RBFOX1: variants seen among roughly 807,000 people sequenced by gnomAD.
The protein encoded by RBFOX1 is RNA binding fox-1 homolog 1.
A neutral mutation model predicts 57.7 loss-of-function variants in RBFOX1; 8 were observed. The ratio of observed to expected loss-of-function variants is 0.14; its 90% CI spans 0.08 to 0.25. The LOEUF is 0.25. RBFOX1 is among the 10% of genes least tolerant of loss of function. The probability of loss-of-function intolerance (pLI) is 1.00; values close to 1 mark genes in which losing one functional copy is unlikely to be tolerated. For synonymous variants in RBFOX1, 326 were observed against 222.4 expected, an observed-to-expected ratio of 1.47 and a Z score of -4.15; for missense variants, 611 against 548.5, an observed-to-expected ratio of 1.11 and a Z score of -1.14.
chr16:6,450,811 A>ATATACATATATATATATG (rs1344004753), intron 2 of RBFOX1, among the ~76,000 whole-genome samples: 1 of 24,104 alleles, frequency 4.1e-5, no homozygotes, highest in Non-Finnish European at 6.4e-5. Flanking sequence ...GTATATATAT[A>ATATACATATATATATATG]TATATACATA....
rs192561018 is a variant in RBFOX1, at chr16:6,870,895, C to G, written c.-15-181162C>G. ...ACTTTGAGAGACTTGAATTAAAACT[C>G]ATTTATAAAGAGAATAAAAAATCAG... On this transcript the variant is annotated intron_variant, in intron 3 of 15. Coordinates refer to ENST00000550418, the MANE Select transcript of RBFOX1 (RefSeq NM_018723.4). 3.3e-5 allele frequency among the ~76,000 whole-genome samples: 5 copies of G among 152,248 alleles called. No homozygotes were observed. In the East Asian group the frequency reaches 9.7e-4, roughly 29 times the overall value.
chr16:5,821,826 C>A lies in RBFOX1; in HGVS notation c.319-45477C>A, dbSNP rs563583504. On this transcript the variant is annotated intron_variant, in intron 3 of 19. Transcript: ENST00000641259. ...GGATGGTCTCTTGCTGCTGCATCCTCACATGGTGAAAGGAGAAGGGCAAAA... is the reference window on the plus strand; with the variant it reads ...GGATGGTCTCTTGCTGCTGCATCCTAACATGGTGAAAGGAGAAGGGCAAAA... 1.8e-3 allele frequency among the ~76,000 whole-genome samples: 272 copies of A among 152,308 alleles called. 1 individual carries two copies. Among genetic ancestry groups the A allele is most frequent in the African/African-American group, 6.0e-3 (248 of 41,578 alleles).
chr16:6,692,577 G>T (rs1198910816), intron 3 of RBFOX1, among the ~76,000 whole-genome samples: 1 of 151,938 alleles, frequency 6.6e-6, no homozygotes, highest in East Asian at 1.9e-4. Flanking sequence ...CTACACTCTA[G>T]CAAAGCTGGA....
At chr16:6,123,344 CAT>C (rs758182597) in intron 1 of RBFOX1, among the ~76,000 whole-genome samples, 1 of 152,160 alleles carries the variant, frequency 6.6e-6, no homozygotes, top group African/African-American at 2.4e-5. Flanking sequence ...AAAATTCTGA[CAT>C]GTGCTATAAT....
At chr16:5,488,490 A>G (rs1244462391) in intron 2 of RBFOX1, among the ~76,000 whole-genome samples, 3 of 146,366 alleles carry the variant, frequency 2.0e-5, no homozygotes, top group Non-Finnish European at 3.0e-5. Flanking sequence ...GGTGATGATA[A>G]TGGAGGATTA....
rs2153099945 is a variant in RBFOX1 at position 6,483,112 on chromosome 16, CCAG to C, written c.-64+166056_-64+166058del. ...CCGTAGGGGCGGGACCCACGCAGCC[CCAG>C]TATCCACTGCCTTCCCCCAGCTGCA... On this transcript the variant is annotated intron_variant, in intron 2 of 15. Transcript: ENST00000550418. 5 of 1,029,136 alleles carry C rather than the reference CCAG, an allele frequency of 4.9e-6. No individual in the cohort carries two copies. The South Asian group carries it at 1.9e-4, about 40-fold the overall frequency. 63.8% of individuals were successfully genotyped at this position (1,029,136 alleles called of 1,614,324 possible).
chr16:6,135,986 G>C (rs1334934518), intron 1 of RBFOX1, among the ~76,000 whole-genome samples: 1 of 151,740 alleles, frequency 6.6e-6, no homozygotes, highest in Non-Finnish European at 1.5e-5. Context: ...GTAGAGATGG[G>C]TTTTCACCAT....
intron 3 of RBFOX1, among the ~76,000 whole-genome samples, chr16:6,720,716 C>T (rs1033519891): frequency 1.3e-5 from 2 of 152,166 alleles, no homozygotes; most frequent in African/African-American, 2.4e-5. Flanking sequence ...TCAGCTGGGA[C>T]ACACATGAAT....
At chr16:6,635,451 G>T (rs970450054) in intron 2 of RBFOX1, among the ~76,000 whole-genome samples, 1 of 152,096 alleles carries the variant, frequency 6.6e-6, no homozygotes, top group East Asian at 1.9e-4. Flanking sequence ...ATCTGGATGG[G>T]GAGGTAGAGG....
At chr16:7,630,737 C>T in intron 11 of RBFOX1, 54 bp downstream of exon 11, 2 of 1,608,136 alleles carry the variant, frequency 1.2e-6, no homozygotes, top group Non-Finnish European at 1.7e-6. Flanking sequence ...TGAGTCCAAT[C>T]ACCTTCCCTG....
chr16:7,237,849 G>A (rs965209455), intron 4 of RBFOX1, among the ~76,000 whole-genome samples: 1 of 152,092 alleles, frequency 6.6e-6, no homozygotes, highest in Non-Finnish European at 1.5e-5. Context: ...ACTCAAAATA[G>A]AAAAATTAGC....
intron 2 of RBFOX1, among the ~76,000 whole-genome samples, chr16:5,528,080 T>C (rs1042050234): frequency 6.6e-6 from 1 of 152,186 alleles, no homozygotes; most frequent in Non-Finnish European, 1.5e-5. Flanking sequence ...GATTTAGTCG[T>C]CCTGGAGGAC....
At chr16:7,388,644 CT>C (rs61629644) in intron 4 of RBFOX1, among the ~76,000 whole-genome samples, 5,229 of 92,504 alleles carry the variant, frequency 0.057, 64 homozygotes, top group East Asian at 0.14. Context: ...GTTTCACTTA[CT>C]TTTTTTTTTT....
rs1435504009 is a variant in RBFOX1, at chr16:5,947,053, T to C, written c.351+79718T>C. Among the ~76,000 whole-genome samples the C allele has an allele frequency of 6.6e-6, 1 of 152,012 alleles. No homozygotes were observed. Among genetic ancestry groups the C allele is most frequent in the African/African-American group, 2.4e-5 (1 of 41,392 alleles). ...ATAGTGACACCCCATCTGTACAAAATAAAGTGAAAATAAAATCATCCCATG... is the reference window on the plus strand; with the variant it reads ...ATAGTGACACCCCATCTGTACAAAACAAAGTGAAAATAAAATCATCCCATG... On this transcript the variant is annotated intron_variant, in intron 4 of 19. Transcript: ENST00000641259. The surrounding 1 kb of genome is among the most constrained non-coding windows in gnomAD (Gnocchi z 7.2).
intron 1 of RBFOX1, among the ~76,000 whole-genome samples, chr16:5,403,754 G>C (rs1293354758): frequency 6.6e-6 from 1 of 152,154 alleles, no homozygotes; most frequent in Non-Finnish European, 1.5e-5. Flanking sequence ...CCAATGCTCT[G>C]ATGTCTTCTA....
intron 4 of RBFOX1, among the ~76,000 whole-genome samples, chr16:7,372,273 C>A (rs1343883771): frequency 6.6e-6 from 1 of 152,164 alleles, no homozygotes; most frequent in South Asian, 2.1e-4. Context: ...CTTCATACTT[C>A]AGATCCCATG....
intron 2 of RBFOX1, among the ~76,000 whole-genome samples, chr16:6,583,636 G>T (rs553851102): frequency 6.6e-6 from 1 of 152,132 alleles, no homozygotes; most frequent in Admixed American, 6.5e-5. Flanking sequence ...TTGCTCTCTG[G>T]CTGGTTTTGT....
intron 1 of RBFOX1, among the ~76,000 whole-genome samples, chr16:5,411,407 G>A (rs1567468993): frequency 6.6e-6 from 1 of 152,174 alleles, no homozygotes; most frequent in Non-Finnish European, 1.5e-5. Context: ...GCCAAGGAAT[G>A]CAGGTGGCTT....
intron 1 of RBFOX1, among the ~76,000 whole-genome samples, chr16:6,132,432 T>C (rs902645138): frequency 6.6e-6 from 1 of 152,220 alleles, no homozygotes; most frequent in Admixed American, 6.5e-5. Context: ...GCAGCTTGAA[T>C]TCCTGAGCTA....
Sources: gnomAD v4.1 joint callset for allele counts (sites outside exome capture counted in the v4.1 genomes callset) on GRCh38, gnomAD v4.1.1 for gene constraint, Gnocchi (gnomAD v3.1) non-coding constraint, MANE v1.5 for transcripts, NCBI Gene and HGNC (gene_info 2026-07-23, HGNC 2026-07-21) for gene names.